KAT6A: variants seen among roughly 807,000 people sequenced by gnomAD.
KAT6A encodes histone acetyltransferase KAT6A.
A neutral mutation model predicts 198.4 loss-of-function variants in KAT6A; 9 were observed. The ratio of observed to expected loss-of-function variants is 0.05; its 90% CI spans 0.03 to 0.08. The LOEUF is 0.08. KAT6A is among the 10% of genes least tolerant of loss of function. KAT6A has a pLI of 1.00. For synonymous variants in KAT6A, 890 were observed against 883.0 expected (o/e 1.01, Z -0.14); for missense variants, 2,077 against 2,509.9 (o/e 0.83, Z 3.69).
intron 7 of KAT6A, 110 bp from the exon 8 acceptor site, chr8:41,974,932 A>G: frequency 1.7e-6 from 1 of 603,858 alleles, no homozygotes; most frequent in Non-Finnish European, 3.0e-6. Flanking sequence ...ATAACGAAGA[A>G]TATAGCATTA....
intron 2 of KAT6A, among the ~76,000 whole-genome samples, chr8:41,992,017 C>T (rs1824971837): frequency 6.6e-6 from 1 of 151,934 alleles, no homozygotes; most frequent in African/African-American, 2.4e-5. Flanking sequence ...GCCTGGGCAA[C>T]AAGCAAAACC....
chr8:41,942,960 T>C lies in KAT6A; in HGVS notation c.2269A>G (p.Met757Val), dbSNP rs1822211933. 2 of 1,614,084 alleles carry C rather than the reference T, an allele frequency of 1.2e-6. No homozygotes were observed. Among genetic ancestry groups the C allele is most frequent in the Admixed American group, 1.7e-5 (1 of 60,010 alleles). Residue 757 changes from methionine to valine, a missense_variant, in exon 14 of 17, where the codon ATG (methionine) becomes GTG (valine). Physicochemically the swap from Met to Val is conservative, Grantham distance 21 (BLOSUM62 1). This residue lies in a region of KAT6A where 127 missense variants were observed against 209.6 expected (regional missense o/e 0.61). Transcript: ENST00000265713. Reference protein sequence around the residue: ...IRREKLIQDHMAKLQLNLRPV... With the variant: ...IRREKLIQDHVAKLQLNLRPV... ...CGCAAATTCAGCTGAAGCTTTGCCATGTGATCCTGGATAAGTTTTTCCCGG... is the reference window on the plus strand; with the variant it reads ...CGCAAATTCAGCTGAAGCTTTGCCACGTGATCCTGGATAAGTTTTTCCCGG...
At chr8:41,992,026 C>G (rs1297838430) in intron 2 of KAT6A, among the ~76,000 whole-genome samples, 1 of 151,912 alleles carries the variant, frequency 6.6e-6, no homozygotes, top group Non-Finnish European at 1.5e-5. Flanking sequence ...ACAAGCAAAA[C>G]CCCATCTCTA....
At chr8:41,936,282 TA>T (rs1389467521) in intron 16 of KAT6A, among the ~76,000 whole-genome samples, 2 of 152,008 alleles carry the variant, frequency 1.3e-5, no homozygotes, top group Non-Finnish European at 2.9e-5. Flanking sequence ...AAATAAAAAA[TA>T]AAAAAGTATT....
At chr8:42,047,100 C>T (rs764496120) in intron 2 of KAT6A, among the ~76,000 whole-genome samples, 1 of 152,174 alleles carries the variant, frequency 6.6e-6, no homozygotes, top group Non-Finnish European at 1.5e-5. Context: ...CATCTTTCCA[C>T]CCTAGGAGTA....
intron 6 of KAT6A, 70 bp downstream of exon 6, chr8:41,978,572 C>A: frequency 6.7e-7 from 1 of 1,483,312 alleles, no homozygotes; most frequent in Non-Finnish European, 9.1e-7. Context: ...ATAGAGAAAA[C>A]AAGTGAATCC....
chr8:42,040,757 A>AAAAAAAAAG (rs1564083602), intron 2 of KAT6A, among the ~76,000 whole-genome samples: 1 of 149,652 alleles, frequency 6.7e-6, no homozygotes, highest in African/African-American at 2.5e-5. Context: ...AAAAAAAAAA[A>AAAAAAAAAG]AAAGAAAGAA....
At position 42,049,466 on chromosome 8, in the gene KAT6A, T is replaced by C. The variant is rs146988900; in HGVS notation, c.-325-164A>G. 297 of 175,270 alleles carry C rather than the reference T, an allele frequency of 1.7e-3. 1 individual carries two copies. Among genetic ancestry groups the C allele is most frequent in the African/African-American group, 6.7e-3 (282 of 42,030 alleles). 10.9% of individuals were successfully genotyped at this position (175,270 alleles called of 1,614,324 possible). The stretch of plus-strand genomic sequence containing the variant: ...CCAAAACAATCATGTATGTAAACCA[T>C]TGGGATAAAAAAGAAAAAAAAAGAA... On this transcript the variant is annotated intron_variant, in intron 1 of 16. Transcript: ENST00000265713.
chr8:42,027,469 T>C (rs1826877479), intron 2 of KAT6A, among the ~76,000 whole-genome samples: 1 of 152,200 alleles, frequency 6.6e-6, no homozygotes, highest in Admixed American at 6.5e-5. Flanking sequence ...CTGATTCAAT[T>C]GTGTTACTCA....
intron 15 of KAT6A, among the ~76,000 whole-genome samples, chr8:41,938,258 A>G (rs1821945248): frequency 6.6e-6 from 1 of 152,214 alleles, no homozygotes; most frequent in Non-Finnish European, 1.5e-5. Flanking sequence ...GGACTTGCTT[A>G]AGTTCACACA....
At chr8:41,986,190 C>T (rs984904028) in intron 3 of KAT6A, among the ~76,000 whole-genome samples, 2 of 152,208 alleles carry the variant, frequency 1.3e-5, no homozygotes, top group Non-Finnish European at 2.9e-5. Context: ...CTGCCCGCCT[C>T]GGCCTCCCAA....
At position 42,021,511 on chromosome 8, in the gene KAT6A, G is replaced by A. The variant is rs1021021899; in HGVS notation, c.600+26867C>T. Among the ~76,000 whole-genome samples the A allele has an allele frequency of 2.0e-5, 3 of 152,186 alleles. No individual in the cohort carries two copies. In the South Asian group the frequency reaches 6.2e-4, roughly 32 times the overall value. ...TCCCTCTTTTACAGAAAAGGAAACT[G>A]AAGCTCATGGAGAATTAAGTAATTT... On this transcript the variant is annotated intron_variant, in intron 2 of 16. Transcript: ENST00000265713.
chr8:41,978,503 A>C, intron 6 of KAT6A, 139 bp downstream of exon 6: 1 of 824,182 alleles, frequency 1.2e-6, no homozygotes. Flanking sequence ...TAAGGGCTGA[A>C]TAAGTGTTAG....
At chr8:41,955,005 G>A (rs759803734) in intron 9 of KAT6A, among the ~76,000 whole-genome samples, 1 of 150,750 alleles carries the variant, frequency 6.6e-6, no homozygotes, top group African/African-American at 2.4e-5. Flanking sequence ...AGTGATAGGA[G>A]TGAAGACAAA....
chr8:41,948,347 G>A (rs1822498050), intron 10 of KAT6A, among the ~76,000 whole-genome samples: 1 of 152,178 alleles, frequency 6.6e-6, no homozygotes. Flanking sequence ...GCTGCCTGAA[G>A]CAATGCAATC....
rs765158942 is a variant in KAT6A, at chr8:41,942,905, C to T, written c.2324G>A (p.Arg775His). ...RPVDVDPECL[R>H]WTPVIVSNSV... ...GTTGGACACTATGACTGGAGTCCAG[C>T]GCAAACATTCTGGATCTACATCTAC... Residue 775 changes from arginine to histidine, a missense_variant, in exon 14 of 17, where the codon CGC becomes CAC. By Grantham distance (29) the Arg-to-His change is conservative. Around this residue, in one of 13 missense-constraint regions of KAT6A, gnomAD observed 127 missense variants for 209.6 expected, o/e 0.61. Coordinates refer to ENST00000265713, the MANE Select transcript of KAT6A (RefSeq NM_006766.5). 21 of 1,613,996 alleles carry T rather than the reference C, an allele frequency of 1.3e-5. No individual in the cohort carries two copies. Among genetic ancestry groups the T allele is most frequent in the African/African-American group, 2.7e-5 (2 of 74,902 alleles).
In KAT6A at chr8:42,051,416, G is replaced by GCCCGAA. The variant is rs1041787773; in HGVS notation, c.-326+479_-326+484dup. Among the ~76,000 whole-genome samples the GCCCGAA allele has an allele frequency of 7.3e-5, 11 of 150,898 alleles. No homozygotes were observed. The South Asian group carries it at 1.0e-3, about 14-fold the overall frequency. ...AGCCGGAGCCGGAACCCGAGCCCGA[G>GCCCGAA]CCCGAACCCGAGCGCCCGCGAGCGC... On this transcript the variant is annotated intron_variant, in intron 1 of 16. Transcript: ENST00000265713.
rs1319885966 is a variant in KAT6A, at chr8:41,929,578, GA to G, written c.*2626del. ...GGGAAAAAAAGGTATTACATACAAGGAGAGGAAGGGAGGCCGGCTGGCCCAG... is the reference window on the plus strand; with the variant it reads ...GGGAAAAAAAGGTATTACATACAAGGGAGGAAGGGAGGCCGGCTGGCCCAG... On this transcript the variant is annotated 3_prime_UTR_variant, in exon 17 of 17. Coordinates refer to ENST00000265713, the MANE Select transcript of KAT6A (RefSeq NM_006766.5). 5.2e-6 allele frequency: 1 copy of G among 191,034 alleles called. No individual in the cohort carries two copies. Among genetic ancestry groups the G allele is most frequent in the African/African-American group, 2.3e-5 (1 of 42,898 alleles). The allele number at this position is 191,034 out of a possible 1,614,324, so 11.8% of individuals were successfully genotyped here. A position where few individuals can be genotyped will look rare whatever the true frequency, so the allele number is the denominator to read the frequency against.
chr8:41,997,251 G>C (rs1321637639), intron 2 of KAT6A, among the ~76,000 whole-genome samples: 1 of 152,080 alleles, frequency 6.6e-6, no homozygotes, highest in East Asian at 1.9e-4. Context: ...TCACAAATCA[G>C]ATGATTTAAG....
Sources: allele counts gnomAD v4.1 joint callset (sites outside exome capture counted in the v4.1 genomes callset), GRCh38; gene constraint gnomAD v4.1.1; regional missense constraint gnomAD v4.1.1; transcripts MANE v1.5; gene names NCBI Gene and HGNC (gene_info 2026-07-23, HGNC 2026-07-21).